The following PACRGL variants were observed in gnomAD, a reference collection of about 807,000 sequenced individuals.
The protein encoded by PACRGL is parkin coregulated like, also known as PACRG-like protein.
Under a neutral mutation model 34.5 loss-of-function variants are expected in PACRGL, and 38 were observed. The observed-to-expected ratio is 1.10, with a 90% confidence interval of 0.85 to 1.44. The LOEUF (loss-of-function observed/expected upper bound fraction) is 1.44. PACRGL is among the 40% of genes most tolerant of loss of function. The pLI is 0.00. For synonymous variants in PACRGL, 128 were observed against 100.1 expected, an observed-to-expected ratio of 1.28 and a Z score of -1.66; for missense variants, 305 against 281.4, an observed-to-expected ratio of 1.08 and a Z score of -0.60.
intron 1 of PACRGL, chr4:20,702,109 A>G (rs781709464): frequency 4.4e-6 from 2 of 453,260 alleles, no homozygotes; most frequent in South Asian, 3.1e-5. Context: ...TTTTGAACTC[A>G]TTCAAAATAT....
chr4:20,700,030 G>T (rs920985345), upstream of PACRGL, among the ~76,000 whole-genome samples: 37 of 152,276 alleles, frequency 2.4e-4, no homozygotes, highest in African/African-American at 7.7e-4. Flanking sequence ...TCCCACAGCT[G>T]GGCATGCAGA....
intron 1 of PACRGL, among the ~76,000 whole-genome samples, chr4:20,703,477 AGT>A (rs34932810): frequency 0.11 from 15,184 of 141,470 alleles, 772 homozygotes; most frequent in Middle Eastern, 0.13. Flanking sequence ...TGGGTATATG[AGT>A]GTGTGTGTGT....
At position 20,712,260 on chromosome 4, in the gene PACRGL, T is replaced by G. The variant is rs76927039; in HGVS notation, c.367-528T>G. Among the ~76,000 whole-genome samples the G allele has an allele frequency of 5.2e-3, 794 of 151,908 alleles. 10 individuals are homozygous for G. Among genetic ancestry groups the G allele is most frequent in the African/African-American group, 0.018 (739 of 41,470 alleles). The stretch of plus-strand genomic sequence containing the variant: ...CTTTTCTTTTCCTTTTTCTTATTTT[T>G]TTTTTCTTCTCCCTTCCTTCCCTTC... On this transcript the variant is annotated intron_variant, in intron 5 of 8. Coordinates refer to ENST00000503585, the MANE Select transcript of PACRGL (RefSeq NM_001258345.3).
intron 7 of PACRGL, among the ~76,000 whole-genome samples, chr4:20,714,928 A>G (rs911437872): frequency 2.6e-5 from 4 of 152,174 alleles, no homozygotes; most frequent in African/African-American, 7.2e-5. Flanking sequence ...TACTGGGTAT[A>G]TACCCAAAGG....
chr4:20,732,824 G>T, downstream of PACRGL: 4 of 1,221,056 alleles, frequency 3.3e-6, no homozygotes, highest in Admixed American at 1.8e-5. Flanking sequence ...CTGCACACAT[G>T]TATGAAGAAA....
the PACRGL span, among the ~76,000 whole-genome samples, chr4:20,758,423 A>G: frequency 0.017 from 2,567 of 152,238 alleles, 66 homozygotes; most frequent in African/African-American, 0.059. Flanking sequence ...TACCTTCTCC[A>G]ATCCCCAGAT....
intron 7 of PACRGL, among the ~76,000 whole-genome samples, chr4:20,716,552 C>T (rs1249844308): frequency 6.6e-6 from 1 of 152,144 alleles, no homozygotes; most frequent in Non-Finnish European, 1.5e-5. Context: ...TCTCATTGTT[C>T]AATTCCCACC....
chr4:20,733,520 A>AATTAT (rs527655722), downstream of PACRGL, among the ~76,000 whole-genome samples: 355 of 152,328 alleles, frequency 2.3e-3, 8 homozygotes, highest in South Asian at 0.046. Context: ...AAGAGTATTC[A>AATTAT]ATTATAAATG....
chr4:20,703,652 G>T (rs1246617877), intron 1 of PACRGL, among the ~76,000 whole-genome samples: 1 of 152,112 alleles, frequency 6.6e-6, no homozygotes, highest in Non-Finnish European at 1.5e-5. Flanking sequence ...TATTCCCTGG[G>T]TGAGTAACTT....
the PACRGL span, among the ~76,000 whole-genome samples, chr4:20,764,700 A>ACG: frequency 1.3e-5 from 2 of 151,462 alleles, no homozygotes; most frequent in African/African-American, 4.9e-5. Flanking sequence ...ACACACACAC[A>ACG]CACACACAAC....
chr4:20,714,477 T>C (rs891299451), intron 7 of PACRGL, among the ~76,000 whole-genome samples: 6 of 152,176 alleles, frequency 3.9e-5, no homozygotes, highest in African/African-American at 1.4e-4. Context: ...GTCTTTTAAT[T>C]GGAGCATTTT....
chr4:20,697,539 A>C (rs1731293293), upstream of PACRGL, among the ~76,000 whole-genome samples: 1 of 152,224 alleles, frequency 6.6e-6, no homozygotes, highest in Non-Finnish European at 1.5e-5. Flanking sequence ...TTATAAAGGT[A>C]CAGGGTACCA....
rs904985037 is a variant in PACRGL, at chr4:20,749,144, C to T, written c.*57-3421C>T. 3.3e-5 allele frequency among the ~76,000 whole-genome samples: 4 copies of T among 121,426 alleles called. No homozygotes were observed. In the East Asian group the frequency reaches 6.4e-4, roughly 20 times the overall value. The allele number at this position is 121,426 out of a possible 152,430, so 79.7% of individuals were successfully genotyped here. A position where few individuals can be genotyped will look rare whatever the true frequency, so the allele number is the denominator to read the frequency against. ...CTGCACTCCAGCCTTTATGACAGAGCGAGACTCTTTCAAAAAAAAAAAAAA... is the reference window on the plus strand; with the variant it reads ...CTGCACTCCAGCCTTTATGACAGAGTGAGACTCTTTCAAAAAAAAAAAAAA... On this transcript the variant is annotated intron_variant, in intron 8 of 8. Transcript: ENST00000507634.
intron 7 of PACRGL, among the ~76,000 whole-genome samples, chr4:20,722,479 C>T (rs922542182): frequency 6.6e-6 from 1 of 152,172 alleles, no homozygotes; most frequent in Non-Finnish European, 1.5e-5. Context: ...CCCCCTTCTT[C>T]ATGCAGTGTT....
intron 8 of PACRGL, among the ~76,000 whole-genome samples, chr4:20,740,848 T>C (rs192270087): frequency 3.3e-5 from 5 of 151,950 alleles, no homozygotes; most frequent in African/African-American, 1.2e-4. Flanking sequence ...GAGACAAACA[T>C]AGGCTCAAAA....
chr4:20,753,510 T>G (rs1157267457), downstream of PACRGL, among the ~76,000 whole-genome samples: 2 of 152,200 alleles, frequency 1.3e-5, no homozygotes, highest in Non-Finnish European at 2.9e-5. Context: ...TCATAGTATT[T>G]GAACAAACAC....
chr4:20,707,991 C>A, intron 4 of PACRGL, 121 bp downstream of exon 4: 2 of 759,830 alleles, frequency 2.6e-6, no homozygotes, highest in South Asian at 3.6e-5. Flanking sequence ...ATAAAGATGA[C>A]TTTATTCACA....
In PACRGL at chr4:20,729,757, T is replaced by TAAAATCACTGATATGTGAA. The variant is rs1405109484; in HGVS notation, c.*2418_*2436dup. ...TGAGTAGCAAAAAACACTGATATTT[T>TAAAATCACTGATATGTGAA]AAAATCACTGATATGTGAAAGCCTC... On this transcript the variant is annotated 3_prime_UTR_variant, in exon 9 of 9. Transcript: ENST00000503585. 1.4e-5 allele frequency: 3 copies of TAAAATCACTGATATGTGAA among 220,860 alleles called. No individual in the cohort carries two copies. In the Admixed American group the frequency reaches 1.7e-4, roughly 13 times the overall value. The allele number at this position is 220,860 out of a possible 1,614,324, so 13.7% of individuals were successfully genotyped here.
chr4:20,735,785 G>A (rs763628935), downstream of PACRGL, among the ~76,000 whole-genome samples: 8 of 151,928 alleles, frequency 5.3e-5, no homozygotes, highest in South Asian at 2.1e-4. Context: ...TCTGCCCACC[G>A]CCGCCTCTCA....
Sources: gnomAD v4.1 joint callset for allele counts (sites outside exome capture counted in the v4.1 genomes callset) on GRCh38, gnomAD v4.1.1 for gene constraint, MANE v1.5 for transcripts, NCBI Gene and HGNC (gene_info 2026-07-23, HGNC 2026-07-21) for gene names.